SNTG1: variants seen among roughly 807,000 people sequenced by gnomAD.
The protein encoded by SNTG1 is gamma-1-syntrophin.
SNTG1 carries 39 observed loss-of-function variants against 74.7 expected under a neutral mutation model. The observed-to-expected ratio is 0.52, with a 90% CI of 0.40 to 0.68. The LOEUF (loss-of-function observed/expected upper bound fraction) is 0.68, where lower values mean the gene tolerates loss of function less well. Ranked by LOEUF, SNTG1 falls within the 30% of genes least tolerant of loss-of-function variation. SNTG1 has a pLI of 0.00. For missense variants in SNTG1, 685 were observed against 609.5 expected (o/e 1.12, Z -1.30); for synonymous variants, 254 against 217.1 (o/e 1.17, Z -1.49).
rs529530355 is a variant in SNTG1 at position 50,207,051 on chromosome 8, C to G, written c.-28+34416C>G. ...TCTTTTTTTGTTGTGTCTCTGCCAG[C>G]CTTTGTTATCAGGATGATGCTGGCC... On this transcript the variant is annotated intron_variant, in intron 2 of 18. Coordinates refer to ENST00000642720, the MANE Select transcript of SNTG1 (RefSeq NM_018967.5). 3.1e-4 allele frequency among the ~76,000 whole-genome samples: 47 copies of G among 151,994 alleles called. 1 individual carries two copies. The highest frequency in any genetic ancestry group is 1.1e-3 in the African/African-American group (46 of 41,394).
At chr8:50,522,909 T>C (rs1232504497) in intron 9 of SNTG1, among the ~76,000 whole-genome samples, 1 of 152,284 alleles carries the variant, frequency 6.6e-6, no homozygotes, top group African/African-American at 2.4e-5. Flanking sequence ...GTCTTAGATG[T>C]CATCTTCTTC....
At chr8:50,043,292 T>G (rs974292903) in intron 1 of SNTG1, among the ~76,000 whole-genome samples, 7 of 152,232 alleles carry the variant, frequency 4.6e-5, no homozygotes, top group African/African-American at 1.7e-4. Context: ...TGATAGATGA[T>G]GTCCACATAC....
At chr8:50,087,865 T>C (rs1823049525) in intron 1 of SNTG1, among the ~76,000 whole-genome samples, 1 of 150,720 alleles carries the variant, frequency 6.6e-6, no homozygotes. Context: ...TGTGCCATGC[T>C]GGTGCGCTGC....
intron 16 of SNTG1, chr8:50,707,935 G>C: frequency 2.6e-6 from 1 of 391,786 alleles, no homozygotes; most frequent in Non-Finnish European, 4.5e-6. Flanking sequence ...GGGCACAGTG[G>C]CTCACGCCTG....
chr8:50,585,840 A>T (rs1285605171), intron 12 of SNTG1, among the ~76,000 whole-genome samples: 1 of 152,162 alleles, frequency 6.6e-6, no homozygotes, highest in Admixed American at 6.5e-5. Flanking sequence ...TTAATGTTAT[A>T]ATTAAAAAGT....
intron 4 of SNTG1, 129 bp from the exon 5 acceptor site, chr8:50,438,413 CA>C (rs1180865280): frequency 1.5e-6 from 1 of 673,250 alleles, no homozygotes; most frequent in African/African-American, 1.8e-5. Context: ...ACTATCCCAG[CA>C]CAGAAGAGTT....
chr8:50,687,887 T>C (rs1025804232), intron 15 of SNTG1, among the ~76,000 whole-genome samples: 6 of 152,292 alleles, frequency 3.9e-5, no homozygotes, highest in African/African-American at 1.4e-4. Flanking sequence ...GTAAAAGTGT[T>C]CCTATTTCTC....
intron 2 of SNTG1, among the ~76,000 whole-genome samples, chr8:50,233,098 A>G (rs2085713127): frequency 6.6e-6 from 1 of 151,608 alleles, no homozygotes; most frequent in South Asian, 2.1e-4. Context: ...AAAAAATGTA[A>G]TAGCAAAAAC....
intron 3 of SNTG1, among the ~76,000 whole-genome samples, chr8:50,398,330 G>A (rs1464317947): frequency 6.6e-6 from 1 of 152,188 alleles, no homozygotes; most frequent in Admixed American, 6.5e-5. Flanking sequence ...GTCCTCTCCA[G>A]ACATCTCTCC....
At chr8:49,932,942 C>A (rs1807729744) in intron 1 of SNTG1, among the ~76,000 whole-genome samples, 1 of 152,128 alleles carries the variant, frequency 6.6e-6, no homozygotes, top group African/African-American at 2.4e-5. Flanking sequence ...TGCAGCATAC[C>A]TGAGTGCTTC....
intron 16 of SNTG1, among the ~76,000 whole-genome samples, chr8:50,707,388 ATGTATTAAACAAATATAATT>A (rs1260329936): frequency 8.5e-5 from 13 of 152,172 alleles, no homozygotes; most frequent in Non-Finnish European, 1.6e-4. Context: ...CACAATGCTT[ATGTATTAAACAAATATAATT>A]ACTCCTGAAA....
At chr8:50,356,699 G>A (rs2091825491) in intron 2 of SNTG1, among the ~76,000 whole-genome samples, 1 of 152,012 alleles carries the variant, frequency 6.6e-6, no homozygotes, top group Non-Finnish European at 1.5e-5. Flanking sequence ...CATGAAGGAG[G>A]AAGGAGGAAC....
chr8:50,690,275 A>T (rs373977793), intron 15 of SNTG1, among the ~76,000 whole-genome samples: 1 of 151,492 alleles, frequency 6.6e-6, no homozygotes, highest in Non-Finnish European at 1.5e-5. Flanking sequence ...TTAGTTATTT[A>T]TTGCCTTCTG....
intron 2 of SNTG1, among the ~76,000 whole-genome samples, chr8:50,319,135 G>T (rs2090431050): frequency 6.6e-6 from 1 of 151,904 alleles, no homozygotes. Flanking sequence ...CAAGACAAAG[G>T]CTCGATTCTA....
chr8:50,280,851 C>T (rs2088400357), intron 2 of SNTG1, among the ~76,000 whole-genome samples: 2 of 151,738 alleles, frequency 1.3e-5, no homozygotes, highest in African/African-American at 4.8e-5. Flanking sequence ...CTAATCCATT[C>T]AGGATAAGAA....
chr8:50,063,598 C>T (rs1820656103), intron 1 of SNTG1, among the ~76,000 whole-genome samples: 2 of 152,176 alleles, frequency 1.3e-5, no homozygotes, highest in East Asian at 3.9e-4. Context: ...TTTGTCCCTA[C>T]ATTTATGACC....
At chr8:50,102,829 T>A (rs1392938380) in intron 1 of SNTG1, among the ~76,000 whole-genome samples, 1 of 149,524 alleles carries the variant, frequency 6.7e-6, no homozygotes, top group African/African-American at 2.5e-5. Flanking sequence ...CCTTTCCCCA[T>A]TGCTTGTTTT....
chr8:50,356,354 G>A lies in SNTG1; in HGVS notation c.-27-37858G>A, dbSNP rs1368754631. Among the ~76,000 whole-genome samples, 2 of 152,096 alleles carry A rather than the reference G, an allele frequency of 1.3e-5. 1 individual carries two copies. Among genetic ancestry groups the A allele is most frequent in the African/African-American group, 4.8e-5 (2 of 41,410 alleles). On this transcript the variant is annotated intron_variant, in intron 2 of 18. Coordinates refer to ENST00000642720, the MANE Select transcript of SNTG1 (RefSeq NM_018967.5). The stretch of plus-strand genomic sequence containing the variant: ...ATGAGTCAGGGTGCCTCACAGTACT[G>A]TTGTGGACAGAACCAGGGATTTAGG...
chr8:50,049,273 T>G (rs2130866110), intron 1 of SNTG1, among the ~76,000 whole-genome samples: 1 of 152,160 alleles, frequency 6.6e-6, no homozygotes. Flanking sequence ...TACAAGAAAC[T>G]TACCTTAAAT....
Sources: gnomAD v4.1 joint callset for allele counts (sites outside exome capture counted in the v4.1 genomes callset) on GRCh38, gnomAD v4.1.1 for gene constraint, MANE v1.5 for transcripts, NCBI Gene and HGNC (gene_info 2026-07-23, HGNC 2026-07-21) for gene names.